Variants in ADAM22 observed in about 807,000 individuals in gnomAD.
ADAM22 encodes ADAM metallopeptidase domain 22, also known as disintegrin and metalloproteinase domain-containing protein 22.
A neutral mutation model predicts 144.6 loss-of-function variants in ADAM22; 65 were observed. The observed-to-expected ratio is 0.45, with a 90% CI of 0.37 to 0.55. The LOEUF (loss-of-function observed/expected upper bound fraction) is 0.55, where lower values mean the gene tolerates loss of function less well. Ranked by LOEUF, ADAM22 falls within the 20% of genes least tolerant of loss-of-function variation. The pLI, the probability that ADAM22 is intolerant of heterozygous loss-of-function variation, is 0.00. For synonymous variants in ADAM22, 391 were observed against 412.6 expected, an observed-to-expected ratio of 0.95 and a Z score of 0.63; for missense variants, 974 against 1,184.9, an observed-to-expected ratio of 0.82 and a Z score of 2.61.
chr7:88,011,077 A>C (rs952916093), intron 3 of ADAM22, among the ~76,000 whole-genome samples: 3 of 152,238 alleles, frequency 2.0e-5, no homozygotes, highest in Non-Finnish European at 2.9e-5. Context: ...TCTAAAAAGC[A>C]TTCAGGGCTC....
chr7:88,073,080 A>G (rs1437116603), intron 3 of ADAM22, among the ~76,000 whole-genome samples: 1 of 152,214 alleles, frequency 6.6e-6, no homozygotes, highest in Admixed American at 6.5e-5. Context: ...AATATTGTTC[A>G]GTTCTCTGTA....
rs114968447 is a variant in ADAM22 at position 88,103,026 on chromosome 7, A to G, written c.391-5150A>G. Among the ~76,000 whole-genome samples, 199 of 152,318 alleles carry G rather than the reference A, an allele frequency of 1.3e-3. 1 individual carries two copies. The highest frequency in any genetic ancestry group is 4.6e-3 in the African/African-American group (192 of 41,572). On this transcript the variant is annotated intron_variant, in intron 4 of 31. Coordinates refer to ENST00000413139, the MANE Select transcript of ADAM22 (RefSeq NM_001324418.2). Reference sequence around the variant, plus strand: ...CAATAGCCTATTGGAGAAGTAAGACAGAAACAGGCATTCAGGTAGGAAGAG... The same window carrying G: ...CAATAGCCTATTGGAGAAGTAAGACGGAAACAGGCATTCAGGTAGGAAGAG...
rs74349663 is a variant in ADAM22 at position 88,084,940 on chromosome 7, C to T, written c.390+9248C>T. On this transcript the variant is annotated intron_variant, in intron 4 of 31. Coordinates refer to ENST00000413139, the MANE Select transcript of ADAM22 (RefSeq NM_001324418.2). ...TTTGTGCATGGTTTTCTTCCTGTGT[C>T]TTCACATGGCTTTCCCTCTGTGTAT... is the stretch of plus-strand genomic sequence containing the variant. Among the ~76,000 whole-genome samples the T allele has an allele frequency of 7.5e-3, 1,138 of 152,318 alleles. 3 individuals are homozygous for T. Among genetic ancestry groups the T allele is most frequent in the Admixed American group, 0.019 (294 of 15,300 alleles).
intron 3 of ADAM22, among the ~76,000 whole-genome samples, chr7:88,059,357 A>G (rs1343194235): frequency 1.3e-5 from 2 of 152,228 alleles, no homozygotes; most frequent in Admixed American, 1.3e-4. Context: ...GAGCAGAGAA[A>G]CAAATGAATT....
intron 2 of ADAM22, among the ~76,000 whole-genome samples, chr7:87,970,009 A>G (rs555340147): frequency 3.7e-4 from 56 of 152,322 alleles, no homozygotes; most frequent in Non-Finnish European, 1.5e-4. Context: ...ATATAGGTAG[A>G]CCTGTTGGGT....
At chr7:88,151,087 C>T in intron 19 of ADAM22, 56 bp downstream of exon 19, 1 of 1,569,346 alleles carries the variant, frequency 6.4e-7, no homozygotes. Context: ...GAAAGGAATA[C>T]TGAAATCTTA....
intron 4 of ADAM22, among the ~76,000 whole-genome samples, chr7:88,089,140 CAG>C (rs141611384): frequency 0.029 from 4,407 of 152,006 alleles, 226 homozygotes; most frequent in African/African-American, 0.1. Flanking sequence ...AAGATGAACA[CAG>C]GGGTTAATTT....
chr7:88,051,379 T>G (rs1231228367), intron 3 of ADAM22, among the ~76,000 whole-genome samples: 1 of 152,106 alleles, frequency 6.6e-6, no homozygotes, highest in East Asian at 1.9e-4. Flanking sequence ...CCATAAAAAA[T>G]GATGAGTTCA....
chr7:87,952,401 A>G (rs1023949427), intron 2 of ADAM22, among the ~76,000 whole-genome samples: 11 of 152,160 alleles, frequency 7.2e-5, no homozygotes, highest in African/African-American at 2.2e-4. Context: ...TGAGATAATC[A>G]TATGGTTTTT....
Position 87,934,565 on chromosome 7 carries a change from C to T in ADAM22, c.85+15C>T. 1.9e-6 allele frequency: 3 copies of T among 1,602,156 alleles called. No homozygotes were observed. The highest frequency in any genetic ancestry group is 2.2e-5 in the East Asian group (1 of 44,562). On this transcript the variant is annotated intron_variant, in intron 1 of 31. Coordinates refer to ENST00000413139, the MANE Select transcript of ADAM22 (RefSeq NM_001324418.2). Reference sequence around the variant, plus strand: ...CGGCCAGGCAGGTAAGTTAGCCGTCCTCTGTGCCTTTGGGCCATACCATTT... The same window carrying T: ...CGGCCAGGCAGGTAAGTTAGCCGTCTTCTGTGCCTTTGGGCCATACCATTT...
At position 88,005,786 on chromosome 7, in the gene ADAM22, T is replaced by C. The variant is rs901281556; in HGVS notation, c.323+27374T>C. Among the ~76,000 whole-genome samples, 25 of 152,220 alleles carry C rather than the reference T, an allele frequency of 1.6e-4. No homozygotes were observed. The South Asian group carries it at 3.1e-3, about 19-fold the overall frequency. On this transcript the variant is annotated intron_variant, in intron 3 of 31. Coordinates refer to ENST00000413139, the MANE Select transcript of ADAM22 (RefSeq NM_001324418.2). Reference sequence around the variant, plus strand: ...AATCATTTAATTTTAAGGGATACTTTTAAGAAAAAAATATAAAATTATGAT... The same window carrying C: ...AATCATTTAATTTTAAGGGATACTTCTAAGAAAAAAATATAAAATTATGAT...
At chr7:87,956,549 A>T (rs1397923361) in intron 2 of ADAM22, among the ~76,000 whole-genome samples, 1 of 152,144 alleles carries the variant, frequency 6.6e-6, no homozygotes, top group East Asian at 1.9e-4. Flanking sequence ...CACCACTGTC[A>T]ATTTTGAAAC....
intron 9 of ADAM22, among the ~76,000 whole-genome samples, chr7:88,129,612 T>G (rs1225106458): frequency 2.0e-5 from 3 of 152,084 alleles, no homozygotes; most frequent in Non-Finnish European, 4.4e-5. Context: ...TATAACAACA[T>G]ATATTTTGAA....
intron 18 of ADAM22, 76 bp from the exon 19 acceptor site, chr7:88,150,905 G>A (rs1838153418): frequency 8.0e-7 from 1 of 1,253,142 alleles, no homozygotes; most frequent in Admixed American, 1.8e-5. Flanking sequence ...GTTTTTAAAA[G>A]TGAAAACATT....
chr7:88,106,392 G>A (rs1406610243), intron 4 of ADAM22, among the ~76,000 whole-genome samples: 1 of 152,214 alleles, frequency 6.6e-6, no homozygotes, highest in African/African-American at 2.4e-5. Context: ...ACAAGGAGCA[G>A]TAGTCTCAGG....
intron 3 of ADAM22, among the ~76,000 whole-genome samples, chr7:88,051,141 G>A (rs1333185605): frequency 2.6e-5 from 4 of 152,156 alleles, no homozygotes; most frequent in Admixed American, 6.5e-5. Flanking sequence ...AAGACAGTGT[G>A]GCAATTCCTC....
At position 88,074,559 on chromosome 7, in the gene ADAM22, T is replaced by G. The variant is rs1238786800; in HGVS notation, c.324-1067T>G. On this transcript the variant is annotated intron_variant, in intron 3 of 31. Transcript: ENST00000413139. ...ATGTCCTGATTGTTTAATATACTTTTTGTTGTGTTTTCTACAGCTTGCAGC... is the reference window on the plus strand; with the variant it reads ...ATGTCCTGATTGTTTAATATACTTTGTGTTGTGTTTTCTACAGCTTGCAGC... Among the ~76,000 whole-genome samples, 11 of 152,222 alleles carry G rather than the reference T, an allele frequency of 7.2e-5. 1 individual carries two copies. The highest frequency in any genetic ancestry group is 7.2e-4 in the Admixed American group (11 of 15,272).
chr7:88,075,697 G>A lies in ADAM22; in HGVS notation c.390+5G>A. ...GGCAAGACTGTGGAAGTTAAAGTAA[G>A]TGAAATTTTCCTACTTGTGGGGAAA... is the stretch of plus-strand genomic sequence containing the variant. On this transcript the variant is annotated splice_donor_5th_base_variant and intron_variant, in intron 4 of 31. Transcript: ENST00000413139. The A allele has an allele frequency of 6.2e-7, 1 of 1,612,000 alleles. No individual in the cohort carries two copies. Among genetic ancestry groups the A allele is most frequent in the Non-Finnish European group, 8.5e-7 (1 of 1,178,678 alleles).
At chr7:88,104,032 A>G (rs936650677) in intron 4 of ADAM22, among the ~76,000 whole-genome samples, 2 of 152,170 alleles carry the variant, frequency 1.3e-5, no homozygotes, top group Non-Finnish European at 2.9e-5. Context: ...TCTATCCTGC[A>G]TATATACTGA....
Sources: allele counts gnomAD v4.1 joint callset (sites outside exome capture counted in the v4.1 genomes callset), GRCh38; gene constraint gnomAD v4.1.1; transcripts MANE v1.5; gene names NCBI Gene and HGNC (gene_info 2026-07-23, HGNC 2026-07-21).